Variants in MIA2 observed in about 807,000 individuals in gnomAD.
The protein encoded by MIA2 is MIA SH3 domain ER export factor 2, also known as melanoma inhibitory activity protein 2.
In MIA2, 127 loss-of-function variants were observed where a neutral mutation model predicts 167.8. The observed-to-expected ratio is 0.76, with a 90% CI of 0.66 to 0.88. MIA2 has a LOEUF of 0.88. Among genes scored for constraint, MIA2 ranks in the 40% least tolerant of loss-of-function variants. The pLI is 0.00. For missense variants in MIA2, 1,690 were observed against 1,624.7 expected, an observed-to-expected ratio of 1.04 and a Z score of -0.69; for synonymous variants, 552 against 541.9, an observed-to-expected ratio of 1.02 and a Z score of -0.26.
At chr14:39,317,113 T>C (rs2065611450) in intron 21 of MIA2, among the ~76,000 whole-genome samples, 2 of 152,072 alleles carry the variant, frequency 1.3e-5, no homozygotes, top group African/African-American at 4.8e-5. Context: ...ACACCTAGGA[T>C]ATATCTGTCC....
intron 14 of MIA2, 70 bp from the exon 15 acceptor site, chr14:39,302,059 A>G (rs1171548737): frequency 2.0e-6 from 3 of 1,515,484 alleles, no homozygotes; most frequent in Non-Finnish European, 2.7e-6. Context: ...ATAACTGTAC[A>G]TTCACAAGTT....
At chr14:39,271,447 G>A (rs1053011374) in intron 6 of MIA2, among the ~76,000 whole-genome samples, 5 of 152,084 alleles carry the variant, frequency 3.3e-5, no homozygotes, top group South Asian at 2.1e-4. Flanking sequence ...GTTTATCCAC[G>A]TTCTTTTTCT....
intron 23 of MIA2, among the ~76,000 whole-genome samples, chr14:39,384,176 C>T (rs1314422439): frequency 2.0e-5 from 3 of 152,192 alleles, no homozygotes; most frequent in Admixed American, 6.5e-5. Context: ...CAACTGGTCA[C>T]TTTAAGCTGA....
chr14:39,280,175 G>GTT (rs2058715628), intron 9 of MIA2, among the ~76,000 whole-genome samples: 1 of 152,060 alleles, frequency 6.6e-6, no homozygotes, highest in Non-Finnish European at 1.5e-5. Context: ...ATATATGTGA[G>GTT]TCTGTTTCTG....
intron 23 of MIA2, among the ~76,000 whole-genome samples, chr14:39,357,783 A>G (rs998711410): frequency 2.6e-5 from 4 of 152,120 alleles, no homozygotes; most frequent in African/African-American, 4.8e-5. Flanking sequence ...GCTTGTCTGT[A>G]AAGTATTTTA....
At chr14:39,366,295 C>T (rs189816956) in intron 23 of MIA2, among the ~76,000 whole-genome samples, 1 of 152,012 alleles carries the variant, frequency 6.6e-6, no homozygotes, top group Non-Finnish European at 1.5e-5. Flanking sequence ...GTCCGAGTAG[C>T]CTATTCTTGG....
chr14:39,312,128 A>G (rs1449940494), intron 18 of MIA2, among the ~76,000 whole-genome samples: 1 of 152,146 alleles, frequency 6.6e-6, no homozygotes, highest in Non-Finnish European at 1.5e-5. Flanking sequence ...GCACCCGACC[A>G]AGATATGATA....
Position 39,269,084 on chromosome 14 carries a change from T to TTTTTTTTTG in MIA2, c.1888-7842_1888-7841insGTTTTTTTT, listed in dbSNP as rs2056627768. 15 of 949,766 alleles carry TTTTTTTTTG rather than the reference T, an allele frequency of 1.6e-5. No individual in the cohort carries two copies. The Admixed American group carries it at 7.6e-4, about 48-fold the overall frequency. The allele number at this position is 949,766 out of a possible 1,614,324, so 58.8% of individuals were successfully genotyped here. On this transcript the variant is annotated intron_variant, in intron 6 of 28. Transcript: ENST00000640607. Reference sequence around the variant, plus strand: ...ATCTTCACCTGCACAGTTTTTTTTTTTTTTTTTTTTTTTTTGCTAAATGCG... The same window carrying TTTTTTTTTG: ...ATCTTCACCTGCACAGTTTTTTTTTTTTTTTTTTGTTTTTTTTTTTTTTTGCTAAATGCG...
At chr14:39,256,017 A>G (rs2054800908) in intron 6 of MIA2, among the ~76,000 whole-genome samples, 3 of 152,204 alleles carry the variant, frequency 2.0e-5, no homozygotes, top group Admixed American at 6.5e-5. Context: ...TGTCTAAGAA[A>G]ATTATGAATC....
At chr14:39,352,197 G>C (rs953905188), downstream of MIA2, among the ~76,000 whole-genome samples, 1 of 132,654 alleles carries the variant, frequency 7.5e-6, no homozygotes, top group African/African-American at 2.8e-5. Flanking sequence ...TATTGTTTTT[G>C]GCTTTTTTTT....
chr14:39,266,358 T>C (rs1393525756), intron 6 of MIA2: 22 of 985,208 alleles, frequency 2.2e-5, no homozygotes, highest in Non-Finnish European at 2.7e-5. Context: ...GTCCTAAAAA[T>C]AGAGTCCTAA....
intron 13 of MIA2, among the ~76,000 whole-genome samples, chr14:39,298,689 G>C (rs1464232358): frequency 1.3e-5 from 2 of 150,742 alleles, no homozygotes; most frequent in Non-Finnish European, 3.0e-5. Flanking sequence ...TTTGTGAATT[G>C]CCTGCTCAGT....
intron 6 of MIA2, chr14:39,266,247 T>G: frequency 1.0e-6 from 1 of 985,460 alleles, no homozygotes; most frequent in Non-Finnish European, 1.2e-6. Flanking sequence ...ATGATCATGC[T>G]GGCAAGGAAG....
Position 39,275,651 on chromosome 14 carries a change from A to G in MIA2, c.1888-1283A>G, listed in dbSNP as rs1466401635. On this transcript the variant is annotated intron_variant, in intron 6 of 28. Coordinates refer to ENST00000640607, the MANE Select transcript of MIA2 (RefSeq NM_001329214.4). Reference sequence around the variant, plus strand: ...TCTTATGTGTTGAATACATTAGCTAAAAGTAAGATGCTTGGAAAATGTGTA... The same window carrying G: ...TCTTATGTGTTGAATACATTAGCTAGAAGTAAGATGCTTGGAAAATGTGTA... Among the ~76,000 whole-genome samples, 3 of 152,194 alleles carry G rather than the reference A, an allele frequency of 2.0e-5. No individual in the cohort carries two copies. The South Asian group carries it at 6.2e-4, about 31-fold the overall frequency.
chr14:39,312,887 T>TTGTG lies in MIA2; in HGVS notation c.3018-436_3018-433dup, dbSNP rs35409851. Reference sequence around the variant, plus strand: ...TACTTTGGTTTCATTGTAATTATAATTGTGTGTGTGTGTGTGTGTGCGTGT... The same window carrying TTGTG: ...TACTTTGGTTTCATTGTAATTATAATTGTGTGTGTGTGTGTGTGTGTGTGCGTGT... On this transcript the variant is annotated intron_variant, in intron 18 of 28. Coordinates refer to ENST00000640607, the MANE Select transcript of MIA2 (RefSeq NM_001329214.4). 9.3e-5 allele frequency among the ~76,000 whole-genome samples: 14 copies of TTGTG among 150,200 alleles called. 1 individual carries two copies. The highest frequency in any genetic ancestry group is 2.9e-4 in the African/African-American group (12 of 41,074).
At chr14:39,368,428 T>C (rs573611589) in intron 23 of MIA2, among the ~76,000 whole-genome samples, 52 of 152,200 alleles carry the variant, frequency 3.4e-4, no homozygotes, top group Non-Finnish European at 6.0e-4. Flanking sequence ...GTTCTGTCCT[T>C]GGCTTGGAGA....
rs1310493819 is a variant in MIA2 at position 39,292,168 on chromosome 14, A to G, written c.2208+1072A>G. Among the ~76,000 whole-genome samples the G allele has an allele frequency of 2.6e-5, 4 of 152,236 alleles. No homozygotes were observed. The East Asian group carries it at 5.8e-4, about 22-fold the overall frequency. On this transcript the variant is annotated intron_variant, in intron 10 of 28. Coordinates refer to ENST00000640607, the MANE Select transcript of MIA2 (RefSeq NM_001329214.4). ...ATTTTATTTGCTAACCCTCTGTCTT[A>G]ACTACCCTTCCATTAGTAATTTATG...
At chr14:39,250,695 CA>C (rs575257262) in intron 4 of MIA2, among the ~76,000 whole-genome samples, 12 of 99,396 alleles carry the variant, frequency 1.2e-4, no homozygotes, top group Admixed American at 4.8e-4. Context: ...GACTCAGTCT[CA>C]AAAAAAAATA....
At chr14:39,318,122 G>T in intron 22 of MIA2, 111 bp downstream of exon 22, 1 of 714,964 alleles carries the variant, frequency 1.4e-6, no homozygotes, top group Non-Finnish European at 2.3e-6. Flanking sequence ...AGCATATCTT[G>T]TGAGATATCT....
Sources: gnomAD v4.1 joint callset for allele counts (sites outside exome capture counted in the v4.1 genomes callset) on GRCh38, gnomAD v4.1.1 for gene constraint, MANE v1.5 for transcripts, NCBI Gene and HGNC (gene_info 2026-07-23, HGNC 2026-07-21) for gene names.